POLR3G: variants seen among roughly 807,000 people sequenced by gnomAD.
POLR3G encodes the protein RNA polymerase III subunit G.
In POLR3G, 28 loss-of-function variants were observed where a neutral mutation model predicts 30.1. The ratio of observed to expected loss-of-function variants is 0.93; its 90% CI spans 0.69 to 1.27. The LOEUF is 1.27. Among genes scored for constraint, POLR3G ranks in the 50% most tolerant of loss-of-function variants. POLR3G has a pLI of 0.00. For synonymous variants in POLR3G, 79 were observed against 82.5 expected, an observed-to-expected ratio of 0.96 and a Z score of 0.23; for missense variants, 254 against 264.6, an observed-to-expected ratio of 0.96 and a Z score of 0.28.
chr5:90,508,630 A>G (rs1176975784), intron 7 of POLR3G, among the ~76,000 whole-genome samples: 1 of 149,028 alleles, frequency 6.7e-6, no homozygotes, highest in Admixed American at 6.8e-5. Flanking sequence ...CCTCCATCCT[A>G]TTCAAATAAT....
In POLR3G at chr5:90,501,956, A is replaced by G. The variant is rs1752265468; in HGVS notation, c.406A>G (p.Thr136Ala). The part of the protein sequence containing the change: ...AKDAGKGTPL[T>A]NTEDVLKKME... The stretch of plus-strand genomic sequence containing the variant: ...AGACGCAGGCAAAGGCACACCACTC[A>G]CTAATACTGAAGATGTGTTGAAAAA... Residue 136 changes from threonine (T) to alanine (A), a missense_variant, in exon 6 of 8, where the codon ACT (threonine) becomes GCT (alanine). By Grantham distance (58) the Thr-to-Ala change is moderately conservative (BLOSUM62 0). Coordinates refer to ENST00000651687, the MANE Select transcript of POLR3G (RefSeq NM_006467.3). 7 of 1,613,386 alleles carry G rather than the reference A, an allele frequency of 4.3e-6. No individual in the cohort carries two copies. Among genetic ancestry groups the G allele is most frequent in the African/African-American group, 2.7e-5 (2 of 74,942 alleles).
intron 3 of POLR3G, among the ~76,000 whole-genome samples, chr5:90,493,435 T>TG (rs1414966079): frequency 6.6e-6 from 1 of 151,656 alleles, no homozygotes; most frequent in Non-Finnish European, 1.5e-5. Context: ...TTTGTAGAGA[T>TG]GGGGGTTTCA....
At chr5:90,478,569 CTTT>C (rs773881344) in intron 1 of POLR3G, among the ~76,000 whole-genome samples, 2 of 79,324 alleles carry the variant, frequency 2.5e-5, no homozygotes, top group Non-Finnish European at 4.7e-5. Flanking sequence ...CTGCGTGGTT[CTTT>C]TTTTTTTTTT....
chr5:90,500,926 T>C (rs1372234955), intron 5 of POLR3G, among the ~76,000 whole-genome samples: 1 of 152,170 alleles, frequency 6.6e-6, no homozygotes, highest in Non-Finnish European at 1.5e-5. Flanking sequence ...TTGTAGCCTA[T>C]CATATTGCTT....
chr5:90,487,613 G>A (rs1383826508), intron 2 of POLR3G, among the ~76,000 whole-genome samples: 2 of 151,636 alleles, frequency 1.3e-5, no homozygotes, highest in East Asian at 1.9e-4. Context: ...GGATGGTCTC[G>A]ATCTCCTGAC....
chr5:90,474,228 C>CCAGAAGATTTCTG, upstream of POLR3G: 4 of 1,613,386 alleles, frequency 2.5e-6, no homozygotes, highest in Non-Finnish European at 3.4e-6. Flanking sequence ...CTCGTAGAAA[C>CCAGAAGATTTCTG]GTTCTTGAAT....
chr5:90,474,149 C>G, upstream of POLR3G: 1 of 1,594,764 alleles, frequency 6.3e-7, no homozygotes. Flanking sequence ...TGCGCAGCCC[C>G]AGGCCTGTAT....
rs892844565 is a variant in POLR3G at position 90,501,993 on chromosome 5, G to A, written c.438+5G>A. 1.2e-5 allele frequency: 19 copies of A among 1,610,890 alleles called. No individual in the cohort carries two copies. Among genetic ancestry groups the A allele is most frequent in the Non-Finnish European group, 1.6e-5 (19 of 1,178,402 alleles). ...GATGTGTTGAAAAAAATGGAGGTAA[G>A]GTTTTCTTCTTACTATACAAGTGAA... On this transcript the variant is annotated splice_donor_5th_base_variant and intron_variant, in intron 6 of 7. Transcript: ENST00000651687.
At chr5:90,484,585 A>G (rs1268098185) in intron 1 of POLR3G, among the ~76,000 whole-genome samples, 1 of 152,224 alleles carries the variant, frequency 6.6e-6, no homozygotes, top group Non-Finnish European at 1.5e-5. Flanking sequence ...GGTGAAGAGT[A>G]GAGCAGCTGT....
At position 90,474,909 on chromosome 5, in the gene POLR3G, C is replaced by G. The variant is rs1293223116; in HGVS notation, c.-155C>G. 2 of 152,464 alleles carry G rather than the reference C, an allele frequency of 1.3e-5. No individual in the cohort carries two copies. Among genetic ancestry groups the G allele is most frequent in the Non-Finnish European group, 2.9e-5 (2 of 68,228 alleles). 9.4% of individuals were successfully genotyped at this position (152,464 alleles called of 1,614,324 possible). A position where few individuals can be genotyped will look rare whatever the true frequency, so the allele number is the denominator to read the frequency against. On this transcript the variant is annotated 5_prime_UTR_variant, in exon 1 of 8. Transcript: ENST00000651687. ...CGTGCAGGTCGGTGCGCGCTTCTCC[C>G]GAGGTGGAACGGGCGGCAGTCAAGC...
At chr5:90,502,487 T>C (rs1752292891) in intron 6 of POLR3G, 2 of 622,314 alleles carry the variant, frequency 3.2e-6, no homozygotes, top group Non-Finnish European at 2.0e-6. Flanking sequence ...AAAATGTAGA[T>C]TCAGAAGGTT....
chr5:90,484,112 C>G (rs1248797527), intron 1 of POLR3G, among the ~76,000 whole-genome samples: 2 of 152,164 alleles, frequency 1.3e-5, no homozygotes, highest in Admixed American at 6.5e-5. Context: ...AATCCTCACC[C>G]CAAGAGATCT....
At chr5:90,487,014 C>G (rs1398300139) in intron 2 of POLR3G, among the ~76,000 whole-genome samples, 1 of 152,130 alleles carries the variant, frequency 6.6e-6, no homozygotes, top group East Asian at 1.9e-4. Context: ...CCCTGGAGAT[C>G]CACTTGTTAA....
intron 2 of POLR3G, among the ~76,000 whole-genome samples, chr5:90,486,500 G>A (rs1211886078): frequency 6.6e-6 from 1 of 152,162 alleles, no homozygotes; most frequent in Non-Finnish European, 1.5e-5. Context: ...CCGTTCTGAT[G>A]TCTCTCTGAC....
chr5:90,506,983 A>G (rs1360451063), intron 7 of POLR3G, among the ~76,000 whole-genome samples: 2 of 152,222 alleles, frequency 1.3e-5, no homozygotes, highest in Admixed American at 1.3e-4. Flanking sequence ...TAACAACATA[A>G]AAATTTAAGT....
At chr5:90,488,241 A>G in intron 3 of POLR3G, 112 bp downstream of exon 3, 1 of 938,274 alleles carries the variant, frequency 1.1e-6, no homozygotes, top group South Asian at 4.4e-5. Context: ...ATAAAAAATT[A>G]TCAACTACTT....
intron 6 of POLR3G, among the ~76,000 whole-genome samples, chr5:90,503,938 A>G (rs1420741606): frequency 6.6e-6 from 1 of 152,214 alleles, no homozygotes; most frequent in Non-Finnish European, 1.5e-5. Context: ...GTATCTTTAT[A>G]TTATTCATTT....
chr5:90,495,874 T>A lies in POLR3G; in HGVS notation c.304+141T>A, dbSNP rs1751960651. 7.8e-6 allele frequency: 9 copies of A among 1,152,104 alleles called. No individual in the cohort carries two copies. In the East Asian group the frequency reaches 2.9e-4, roughly 37 times the overall value. The allele number at this position is 1,152,104 out of a possible 1,614,324, so 71.4% of individuals were successfully genotyped here. A position where few individuals can be genotyped will look rare whatever the true frequency, so the allele number is the denominator to read the frequency against. ...TTTATTGTGATTAATTAGTAATCTGTTAGAAACTAAGGTGAAAAGATTTTT... is the reference window on the plus strand; with the variant it reads ...TTTATTGTGATTAATTAGTAATCTGATAGAAACTAAGGTGAAAAGATTTTT... On this transcript the variant is annotated intron_variant, in intron 4 of 7. Transcript: ENST00000651687.
chr5:90,494,469 A>G (rs1371420542), intron 3 of POLR3G, among the ~76,000 whole-genome samples: 1 of 152,084 alleles, frequency 6.6e-6, no homozygotes, highest in African/African-American at 2.4e-5. Context: ...GAACTGCCAA[A>G]CAGTTTTCTA....
Sources: allele counts gnomAD v4.1 joint callset (sites outside exome capture counted in the v4.1 genomes callset), GRCh38; gene constraint gnomAD v4.1.1; transcripts MANE v1.5; gene names NCBI Gene and HGNC (gene_info 2026-07-23, HGNC 2026-07-21).